FLRT2: variants seen among roughly 807,000 people sequenced by gnomAD.
The protein encoded by FLRT2 is leucine-rich repeat transmembrane protein FLRT2.
In FLRT2, 15 loss-of-function variants were observed where a neutral mutation model predicts 40.0. The ratio of observed to expected loss-of-function variants is 0.38; its 90% CI spans 0.25 to 0.58. FLRT2 has a LOEUF of 0.58. Ranked by LOEUF, FLRT2 falls within the 20% of genes least tolerant of loss-of-function variation. The probability of loss-of-function intolerance (pLI) is 0.71; values close to 1 mark genes in which losing one functional copy is unlikely to be tolerated. For missense variants in FLRT2, 726 were observed against 840.0 expected, an observed-to-expected ratio of 0.86 and a Z score of 1.68; for synonymous variants, 380 against 336.8, an observed-to-expected ratio of 1.13 and a Z score of -1.41.
At chr14:85,556,325 A>G (rs934196279) in intron 1 of FLRT2, among the ~76,000 whole-genome samples, 4 of 152,214 alleles carry the variant, frequency 2.6e-5, no homozygotes, top group African/African-American at 9.6e-5. Context: ...GCTCTATCCT[A>G]CATCCCAAAT....
intron 1 of FLRT2, among the ~76,000 whole-genome samples, chr14:85,599,910 G>T (rs900821887): frequency 6.6e-6 from 1 of 151,854 alleles, no homozygotes; most frequent in Admixed American, 6.6e-5. Context: ...CCATGGAAAT[G>T]TTAAATATTA....
At chr14:85,533,028 C>G (rs1351439515) in intron 1 of FLRT2, among the ~76,000 whole-genome samples, 1 of 152,196 alleles carries the variant, frequency 6.6e-6, no homozygotes, top group Non-Finnish European at 1.5e-5. Flanking sequence ...CTCTTCAACT[C>G]TTTTCAGAGA....
chr14:85,542,461 G>A (rs147454677), intron 1 of FLRT2, among the ~76,000 whole-genome samples: 126 of 151,938 alleles, frequency 8.3e-4, no homozygotes, highest in Non-Finnish European at 1.4e-3. Flanking sequence ...AAACACATAG[G>A]CTTTTTCTGT....
chr14:85,583,693 A>G (rs865888882), intron 1 of FLRT2, among the ~76,000 whole-genome samples: 13 of 152,206 alleles, frequency 8.5e-5, no homozygotes, highest in Non-Finnish European at 8.8e-5. Context: ...TTTACTTTAC[A>G]TAACGTGGAG....
intron 1 of FLRT2, among the ~76,000 whole-genome samples, chr14:85,563,848 A>T (rs1179751456): frequency 6.6e-6 from 1 of 152,218 alleles, no homozygotes; most frequent in East Asian, 1.9e-4. Context: ...AAGAAAAGTG[A>T]AATGTTCTAT....
chr14:85,633,230 G>C lies in FLRT2; in HGVS notation c.*9733G>C, dbSNP rs947806314. ...CTGTCAGAAAGGTTTTCATTATTCT[G>C]TATTCTTTCTGGGGGAAAAAAATTG... On this transcript the variant is annotated 3_prime_UTR_variant, in exon 2 of 2. Transcript: ENST00000330753. 5 of 152,048 alleles carry C rather than the reference G, an allele frequency of 3.3e-5. No homozygotes were observed. The highest frequency in any genetic ancestry group is 1.2e-4 in the African/African-American group (5 of 41,418). 9.4% of individuals were successfully genotyped at this position (152,048 alleles called of 1,614,324 possible).
In FLRT2 at chr14:85,628,313, T is replaced by A. The variant is rs1437750568; in HGVS notation, c.*4816T>A. On this transcript the variant is annotated 3_prime_UTR_variant, in exon 2 of 2. Coordinates refer to ENST00000330753, the MANE Select transcript of FLRT2 (RefSeq NM_013231.6). ...TGCTATTGGCTTTATTTTTTATTTT[T>A]AAATTTTTTTTAAACACGGTCTTAC... 3 of 152,160 alleles carry A rather than the reference T, an allele frequency of 2.0e-5. No homozygotes were observed. The highest frequency in any genetic ancestry group is 4.4e-5 in the Non-Finnish European group (3 of 68,036). The allele number at this position is 152,160 out of a possible 1,614,324, so 9.4% of individuals were successfully genotyped here.
At chr14:85,566,309 G>T (rs1166696054) in intron 1 of FLRT2, among the ~76,000 whole-genome samples, 1 of 152,200 alleles carries the variant, frequency 6.6e-6, no homozygotes, top group Middle Eastern at 3.4e-3. Context: ...GGTTTTCACC[G>T]GATGCCTGTT....
chr14:85,608,801 A>G (rs1892739115), intron 1 of FLRT2, among the ~76,000 whole-genome samples: 1 of 152,188 alleles, frequency 6.6e-6, no homozygotes, highest in Admixed American at 6.5e-5. Flanking sequence ...ACTGCCCTCA[A>G]CAGGCCCACG....
At position 85,640,227 on chromosome 14, in the gene FLRT2, C is replaced by T. The variant is rs1894120502; in HGVS notation, c.*16730C>T. The T allele has an allele frequency of 6.6e-6, 1 of 150,676 alleles. No individual in the cohort carries two copies. Among genetic ancestry groups the T allele is most frequent in the Non-Finnish European group, 1.5e-5 (1 of 67,554 alleles). The allele number at this position is 150,676 out of a possible 1,614,324, so 9.3% of individuals were successfully genotyped here. ...TTCTGCTGTGAGCTTGTGGTGGTTC[C>T]TTCTGCAGATAAAGCAAAGGAAATC... On this transcript the variant is annotated 3_prime_UTR_variant, in exon 2 of 2. Transcript: ENST00000330753.
Position 85,623,215 on chromosome 14 carries a change from CA to C in FLRT2, c.1706del (p.Lys569ArgfsTer34). On this transcript the variant is annotated frameshift_variant, in exon 2 of 2. Coordinates refer to ENST00000330753, the MANE Select transcript of FLRT2 (RefSeq NM_013231.6). LOFTEE classifies it high-confidence loss of function. ...LLSVFCWHMH[K>X]KGRYTSQKWK... ...TCAGCGTCTTTTGCTGGCATATGCACAAAAAGGGGCGCTACACCTCCCAGAA... is the reference window on the plus strand; with the variant it reads ...TCAGCGTCTTTTGCTGGCATATGCACAAAAGGGGCGCTACACCTCCCAGAA... 1 of 1,532,678 alleles carries C rather than the reference CA, an allele frequency of 6.5e-7. No homozygotes were observed. The highest frequency in any genetic ancestry group is 8.8e-7 in the Non-Finnish European group (1 of 1,141,278). The allele number at this position is 1,532,678 out of a possible 1,614,324, so 94.9% of individuals were successfully genotyped here.
Position 85,653,457 on chromosome 14 carries a change from T to C in FLRT2, c.*29960T>C, listed in dbSNP as rs1274958184. 1 of 152,146 alleles carries C rather than the reference T, an allele frequency of 6.6e-6. No homozygotes were observed. The highest frequency in any genetic ancestry group is 1.5e-5 in the Non-Finnish European group (1 of 68,018). The allele number at this position is 152,146 out of a possible 1,614,324, so 9.4% of individuals were successfully genotyped here. ...TTAAAATAAACTTCCTAGCAAGTGA[T>C]CTCTAGCATCTCAATTTAACTGTAT... is the stretch of plus-strand genomic sequence containing the variant. On this transcript the variant is annotated 3_prime_UTR_variant, in exon 2 of 2. Transcript: ENST00000330753.
At chr14:85,604,567 TGA>T (rs1186420434) in intron 1 of FLRT2, among the ~76,000 whole-genome samples, 1 of 151,806 alleles carries the variant, frequency 6.6e-6, no homozygotes, top group South Asian at 2.1e-4. Flanking sequence ...GTGAAGAAAT[TGA>T]GAGAGAGTTG....
rs997078804 is a variant in FLRT2, at chr14:85,651,142, T to TAATCAATTG, written c.*27646_*27654dup. The TAATCAATTG allele has an allele frequency of 6.2e-5, 9 of 145,136 alleles. No individual in the cohort carries two copies. In the East Asian group the frequency reaches 7.0e-4, roughly 11 times the overall value. The allele number at this position is 145,136 out of a possible 1,614,324, so 9.0% of individuals were successfully genotyped here. A position where few individuals can be genotyped will look rare whatever the true frequency, so the allele number is the denominator to read the frequency against. On this transcript the variant is annotated 3_prime_UTR_variant, in exon 2 of 2. Transcript: ENST00000330753. The stretch of plus-strand genomic sequence containing the variant: ...TTCTAATTCAATTATCTTTTTTGAT[T>TAATCAATTG]AATCAATTGTTTAGGATAATGTCTC...
chr14:85,555,977 A>C (rs762286946), intron 1 of FLRT2, among the ~76,000 whole-genome samples: 8 of 152,280 alleles, frequency 5.3e-5, no homozygotes, highest in African/African-American at 1.9e-4. Flanking sequence ...AGACGTATAC[A>C]TGTTTCTAAT....
At chr14:85,617,508 A>G (rs925986346) in intron 1 of FLRT2, among the ~76,000 whole-genome samples, 20 of 152,310 alleles carry the variant, frequency 1.3e-4, no homozygotes, top group African/African-American at 4.6e-4. Flanking sequence ...CTTGGTGACC[A>G]TTATACATTC....
chr14:85,574,564 G>A (rs1175945619), intron 1 of FLRT2, among the ~76,000 whole-genome samples: 2 of 152,070 alleles, frequency 1.3e-5, no homozygotes, highest in Admixed American at 6.5e-5. Context: ...ATTTGGAGAC[G>A]CCTTTTCAAT....
chr14:85,586,366 T>C (rs1891614931), intron 1 of FLRT2, among the ~76,000 whole-genome samples: 1 of 152,066 alleles, frequency 6.6e-6, no homozygotes, highest in African/African-American at 2.4e-5. Flanking sequence ...CTTACTGCAC[T>C]GACAATACTG....
In FLRT2 at chr14:85,626,095, A is replaced by G. The variant is rs1207182124; in HGVS notation, c.*2598A>G. Reference sequence around the variant, plus strand: ...AACAGGCTTTATTTTCACCTTGTGTACAACATGGCAAAGACTGCTAAGATT... The same window carrying G: ...AACAGGCTTTATTTTCACCTTGTGTGCAACATGGCAAAGACTGCTAAGATT... On this transcript the variant is annotated 3_prime_UTR_variant, in exon 2 of 2. Coordinates refer to ENST00000330753, the MANE Select transcript of FLRT2 (RefSeq NM_013231.6). 1 of 167,110 alleles carries G rather than the reference A, an allele frequency of 6.0e-6. No homozygotes were observed. 10.4% of individuals were successfully genotyped at this position (167,110 alleles called of 1,614,324 possible). A position where few individuals can be genotyped will look rare whatever the true frequency, so the allele number is the denominator to read the frequency against.
Sources: gnomAD v4.1 joint callset for allele counts (sites outside exome capture counted in the v4.1 genomes callset) on GRCh38, gnomAD v4.1.1 for gene constraint, MANE v1.5 for transcripts, NCBI Gene and HGNC (gene_info 2026-07-23, HGNC 2026-07-21) for gene names.